The following PCDHA12 variants were observed in gnomAD, a reference collection of about 807,000 sequenced individuals.
The protein encoded by PCDHA12 is protocadherin alpha 12.
Under a neutral mutation model 60.0 loss-of-function variants are expected in PCDHA12, and 44 were observed. The observed-to-expected ratio is 0.73, with a 90% CI of 0.58 to 0.94. The LOEUF is 0.94. PCDHA12 is among the 40% of genes least tolerant of loss of function. PCDHA12 has a pLI of 0.00. For synonymous variants in PCDHA12, 569 were observed against 553.0 expected (o/e 1.03, Z -0.40); for missense variants, 1,276 against 1,239.7 (o/e 1.03, Z -0.44).
chr5:140,966,541 G>C (rs2096018356), intron 1 of PCDHA12: 3 of 462,844 alleles, frequency 6.5e-6, no homozygotes, highest in African/African-American at 2.0e-5. Context: ...TGAGCGACTC[G>C]GAGGCGAGCG....
intron 1 of PCDHA12, among the ~76,000 whole-genome samples, chr5:140,913,117 G>T (rs1055437222): frequency 1.3e-5 from 2 of 152,144 alleles, no homozygotes; most frequent in Non-Finnish European, 2.9e-5. Flanking sequence ...CAGTTTGGAA[G>T]TTAACCCCTC....
intron 1 of PCDHA12, among the ~76,000 whole-genome samples, chr5:140,916,666 A>G (rs782065585): frequency 2.0e-5 from 3 of 152,176 alleles, no homozygotes; most frequent in Non-Finnish European, 2.9e-5. Flanking sequence ...AAGATGCAAG[A>G]CAAAGTCCTC....
At chr5:140,883,144 A>C (rs782107481) in intron 1 of PCDHA12, 4 of 1,614,086 alleles carry the variant, frequency 2.5e-6, no homozygotes, top group Non-Finnish European at 3.4e-6. Context: ...TGGTATATGC[A>C]TTTACCATAA....
At chr5:140,931,508 A>G (rs1214894603) in intron 1 of PCDHA12, among the ~76,000 whole-genome samples, 8 of 152,078 alleles carry the variant, frequency 5.3e-5, no homozygotes, top group Non-Finnish European at 1.0e-4. Flanking sequence ...TTAAACATAT[A>G]TGAATGATTA....
At chr5:141,002,052 G>GGCA (rs1217531547) in intron 3 of PCDHA12, among the ~76,000 whole-genome samples, 1 of 152,206 alleles carries the variant, frequency 6.6e-6, no homozygotes, top group Non-Finnish European at 1.5e-5. Flanking sequence ...GGCATCCAGA[G>GGCA]GCAGCAGCAG....
At chr5:140,951,507 C>A (rs2094591964) in intron 1 of PCDHA12, among the ~76,000 whole-genome samples, 1 of 151,952 alleles carries the variant, frequency 6.6e-6, no homozygotes, top group African/African-American at 2.4e-5. Flanking sequence ...AAAAGGAAAG[C>A]GGCTCATCTT....
intron 1 of PCDHA12, chr5:140,883,801 C>G: frequency 3.1e-6 from 5 of 1,612,430 alleles, no homozygotes; most frequent in Non-Finnish European, 4.2e-6. Flanking sequence ...TGTCGGTGCA[C>G]GCGGAGAGCG....
intron 1 of PCDHA12, chr5:140,883,159 G>A (rs782151764): frequency 3.1e-6 from 5 of 1,613,846 alleles, no homozygotes; most frequent in Admixed American, 3.3e-5. Context: ...CCATAAATCC[G>A]AACAATGGAG....
chr5:141,001,850 T>G (rs2098040443), intron 3 of PCDHA12, among the ~76,000 whole-genome samples: 1 of 152,164 alleles, frequency 6.6e-6, no homozygotes, highest in Admixed American at 6.5e-5. Context: ...AGAGAGAGGT[T>G]GATTAAATTG....
chr5:140,927,445 T>C (rs2084204838), intron 1 of PCDHA12: 1 of 1,613,580 alleles, frequency 6.2e-7, no homozygotes, highest in Non-Finnish European at 8.5e-7. Context: ...ATACCCGGAG[T>C]TGGTGTTGGA....
intron 1 of PCDHA12, among the ~76,000 whole-genome samples, chr5:140,938,952 C>G (rs1036829091): frequency 4.6e-5 from 7 of 152,104 alleles, no homozygotes; most frequent in South Asian, 2.1e-4. Flanking sequence ...TTATAATGCT[C>G]TAGTCGGAGT....
chr5:140,967,104 A>T (rs374744732), intron 1 of PCDHA12: 3 of 1,613,028 alleles, frequency 1.9e-6, no homozygotes, highest in Non-Finnish European at 2.5e-6. Context: ...CTGTGTGAGC[A>T]GCGGCCTCGC....
intron 1 of PCDHA12, among the ~76,000 whole-genome samples, chr5:140,923,645 C>T (rs939799750): frequency 1.1e-4 from 17 of 152,126 alleles, no homozygotes; most frequent in African/African-American, 4.1e-4. Context: ...AATCTTTAGC[C>T]TCCCTTATCT....
At chr5:140,937,748 T>C (rs192465220) in intron 1 of PCDHA12, among the ~76,000 whole-genome samples, 1 of 151,812 alleles carries the variant, frequency 6.6e-6, no homozygotes, top group Admixed American at 6.6e-5. Context: ...CCGTCTCTAC[T>C]AAAAATACAA....
At chr5:140,893,336 A>G (rs2063930718) in intron 1 of PCDHA12, among the ~76,000 whole-genome samples, 1 of 152,098 alleles carries the variant, frequency 6.6e-6, no homozygotes, top group Admixed American at 6.6e-5. Context: ...TGTTTTCCTT[A>G]GTGGCAGTGC....
At chr5:140,945,760 G>T (rs2093839081) in intron 1 of PCDHA12, among the ~76,000 whole-genome samples, 2 of 152,154 alleles carry the variant, frequency 1.3e-5, no homozygotes, top group East Asian at 1.9e-4. Flanking sequence ...AAATGGTGGT[G>T]GGACAATTTG....
At chr5:140,890,995 AATTATTG>A (rs2062893933) in intron 1 of PCDHA12, among the ~76,000 whole-genome samples, 1 of 152,138 alleles carries the variant, frequency 6.6e-6, no homozygotes, top group Non-Finnish European at 1.5e-5. Context: ...ATTTCATCAT[AATTATTG>A]AAAAGCATTT....
chr5:140,893,863 A>G (rs568224949), intron 1 of PCDHA12, among the ~76,000 whole-genome samples: 1 of 152,300 alleles, frequency 6.6e-6, no homozygotes, highest in African/African-American at 2.4e-5. Context: ...GTATAGAAAC[A>G]ACCCAGATCC....
chr5:140,990,871 G>GT, intron 3 of PCDHA12, among the ~76,000 whole-genome samples: 1 of 152,284 alleles, frequency 6.6e-6, no homozygotes, highest in East Asian at 1.9e-4. Context: ...TATTTTAAGT[G>GT]TATGTTCCAG....
Sources: allele counts gnomAD v4.1 joint callset (sites outside exome capture counted in the v4.1 genomes callset), GRCh38; gene constraint gnomAD v4.1.1; transcripts MANE v1.5; gene names NCBI Gene and HGNC (gene_info 2026-07-23, HGNC 2026-07-21).